Variants in OSGIN1 observed in about 807,000 individuals in gnomAD.
The protein encoded by OSGIN1 is oxidative stress induced growth inhibitor 1, also known as oxidative stress-induced growth inhibitor 1.
In OSGIN1, 19 loss-of-function variants were observed where a neutral mutation model predicts 20.1. That is an observed-to-expected ratio of 0.95 (90% confidence interval 0.66 to 1.39). OSGIN1 has a LOEUF of 1.39. OSGIN1 is among the 40% of genes most tolerant of loss of function. OSGIN1 has a pLI of 0.00. For synonymous variants in OSGIN1, 368 were observed against 297.8 expected (o/e 1.24, Z -2.43); for missense variants, 820 against 653.0 (o/e 1.26, Z -2.79).
chr16:83,960,947 A>G (rs376101748), intron 4 of OSGIN1, 34 bp from the exon 5 acceptor site: 1 of 1,596,728 alleles, frequency 6.3e-7, no homozygotes, highest in Non-Finnish European at 8.6e-7. Flanking sequence ...TCAGGCGAGC[A>G]GAGGCCTGGA....
chr16:83,954,654 C>G (rs986620429), intron 1 of OSGIN1: 12 of 578,056 alleles, frequency 2.1e-5, no homozygotes, highest in South Asian at 7.2e-5. Context: ...GGTCCAGCCC[C>G]TGGGTGGTGA....
rs7203516 is a variant in OSGIN1 at position 83,953,280 on chromosome 16, C to A, written c.-123C>A. On this transcript the variant is annotated 5_prime_UTR_variant, in exon 1 of 6. Coordinates refer to ENST00000393306, the MANE Select transcript of OSGIN1 (RefSeq NM_182981.3). ...CCCACAGGGTAATGGGTGTCCCGAT[C>A]TCGCGGGGGACTCTGTGATCCGTGT... 1 of 1,287,620 alleles carries A rather than the reference C, an allele frequency of 7.8e-7. No individual in the cohort carries two copies. The allele number at this position is 1,287,620 out of a possible 1,614,324, so 79.8% of individuals were successfully genotyped here.
intron 5 of OSGIN1, among the ~76,000 whole-genome samples, chr16:83,963,720 G>A (rs769283561): frequency 1.6e-4 from 24 of 152,188 alleles, no homozygotes; most frequent in Non-Finnish European, 1.5e-4. Context: ...GTAGCCGGAC[G>A]GCAGGTGGCA....
intron 5 of OSGIN1, among the ~76,000 whole-genome samples, 185 bp from the exon 6 acceptor site, chr16:83,964,877 C>T (rs1248632797): frequency 1.3e-5 from 2 of 152,170 alleles, no homozygotes; most frequent in African/African-American, 2.4e-5. Flanking sequence ...GGGAGGCACC[C>T]TTGTTAGCTC....
rs7203516 is a variant in OSGIN1, at chr16:83,953,280, C to G, written c.-123C>G. On this transcript the variant is annotated 5_prime_UTR_variant, in exon 1 of 6. The change creates a new upstream start codon in the 5' untranslated region. Coordinates refer to ENST00000393306, the MANE Select transcript of OSGIN1 (RefSeq NM_182981.3). The stretch of plus-strand genomic sequence containing the variant: ...CCCACAGGGTAATGGGTGTCCCGAT[C>G]TCGCGGGGGACTCTGTGATCCGTGT... 0.64 allele frequency: 825,089 copies of G among 1,287,022 alleles called. 266,889 individuals carry two copies. The highest frequency in any genetic ancestry group is 0.79 in the East Asian group (14,152 of 17,952). The allele number at this position is 1,287,022 out of a possible 1,614,324, so 79.7% of individuals were successfully genotyped here.
Position 83,965,728 on chromosome 16 carries a change from G to A in OSGIN1, c.1155G>A (p.Lys385=). 1.9e-6 allele frequency: 3 copies of A among 1,613,678 alleles called. No homozygotes were observed. Among genetic ancestry groups the A allele is most frequent in the African/African-American group, 2.7e-5 (2 of 75,062 alleles). The change falls in exon 6 of 6, where the codon AAG becomes AAA. Residue 385 remains lysine, a synonymous_variant. Transcript: ENST00000393306. ...TCCAGGACCTCGAGGGTGTCGAGAA[G>A]GTGTTTGGGGTCTCCCTGGTGCTGG... The part of the protein sequence containing the change: ...AVFQDLEGVE[K]VFGVSLVLVL...
At position 83,965,396 on chromosome 16, in the gene OSGIN1, G is replaced by T. The variant is rs776224973; in HGVS notation, c.823G>T (p.Ala275Ser). The T allele has an allele frequency of 8.3e-6, 13 of 1,574,200 alleles. No homozygotes were observed. The highest frequency in any genetic ancestry group is 1.1e-5 in the Non-Finnish European group (13 of 1,163,152). The change falls in exon 6 of 6, where the codon GCC (alanine) becomes TCC (serine). Residue 275 changes from alanine (A) to serine (S), a missense_variant. Physicochemically the swap from Ala to Ser is moderately conservative, Grantham distance 99. Transcript: ENST00000393306. ...IHHELSALEA[A>S]TRVGAVTPAS... is the part of the protein sequence containing the mutation. ...CCATGAGCTGTCTGCCCTGGAGGCC[G>T]CCACAAGGGTGGGTGCGGTGACCCC...
chr16:83,959,676 G>A (rs938453014), intron 3 of OSGIN1, among the ~76,000 whole-genome samples: 1 of 152,248 alleles, frequency 6.6e-6, no homozygotes, highest in Non-Finnish European at 1.5e-5. Context: ...AGACAATTTG[G>A]GTTGTCATGG....
intron 3 of OSGIN1, 50 bp from the exon 4 acceptor site, chr16:83,960,519 G>T: frequency 6.7e-7 from 1 of 1,496,868 alleles, no homozygotes; most frequent in Non-Finnish European, 9.2e-7. Context: ...GCTCTGGGAA[G>T]ACGACCCCGC....
At chr16:83,962,701 C>T (rs145853361) in intron 5 of OSGIN1, among the ~76,000 whole-genome samples, 2 of 152,308 alleles carry the variant, frequency 1.3e-5, no homozygotes, top group African/African-American at 4.8e-5. Context: ...ACATTGGTTC[C>T]GTCCAGAGGC....
intron 2 of OSGIN1, 65 bp from the exon 3 acceptor site, chr16:83,959,195 C>T: frequency 8.8e-7 from 1 of 1,131,136 alleles, no homozygotes; most frequent in Middle Eastern, 2.0e-4. Flanking sequence ...TAGATCAAAG[C>T]CCTCCACAGT....
At chr16:83,963,686 G>T (rs548404432) in intron 5 of OSGIN1, among the ~76,000 whole-genome samples, 3 of 152,250 alleles carry the variant, frequency 2.0e-5, no homozygotes, top group South Asian at 4.2e-4. Flanking sequence ...GGCCTTGGGG[G>T]TCCATTGTCA....
chr16:83,957,909 C>A (rs983531173), intron 2 of OSGIN1, among the ~76,000 whole-genome samples, 171 bp downstream of exon 2: 2 of 150,588 alleles, frequency 1.3e-5, no homozygotes, highest in African/African-American at 5.0e-5. Flanking sequence ...CAAAGTCTCA[C>A]TCTGTCGCCC....
intron 1 of OSGIN1, among the ~76,000 whole-genome samples, chr16:83,955,382 C>A (rs1253196811): frequency 6.6e-6 from 1 of 152,120 alleles, no homozygotes; most frequent in Non-Finnish European, 1.5e-5. Flanking sequence ...AGTGGGGGAC[C>A]CTGGAACGGA....
intron 5 of OSGIN1, among the ~76,000 whole-genome samples, chr16:83,962,230 TTTTG>T (rs1447927603): frequency 1.3e-5 from 2 of 151,930 alleles, no homozygotes; most frequent in Admixed American, 6.6e-5. Flanking sequence ...ATTTAGGAAG[TTTTG>T]TTTGTTTATT....
chr16:83,957,828 C>G (rs759271533), intron 2 of OSGIN1, 90 bp downstream of exon 2: 32 of 479,232 alleles, frequency 6.7e-5, no homozygotes, highest in Non-Finnish European at 1.1e-4. Context: ...AAGTCCAGGC[C>G]TGGTGTCTTT....
intron 3 of OSGIN1, among the ~76,000 whole-genome samples, chr16:83,959,748 C>T (rs1005533473): frequency 1.3e-5 from 2 of 152,190 alleles, no homozygotes; most frequent in African/African-American, 2.4e-5. Flanking sequence ...AAACATCCAG[C>T]ACTGCACAGG....
chr16:83,955,823 T>C (rs542463047), intron 1 of OSGIN1, among the ~76,000 whole-genome samples: 1 of 152,264 alleles, frequency 6.6e-6, no homozygotes, highest in South Asian at 2.1e-4. Context: ...GACTGCAGCG[T>C]GTCACCTTCC....
Position 83,957,573 on chromosome 16 carries a change from G to A in OSGIN1, c.-32-67G>A, listed in dbSNP as rs1908991587. On this transcript the variant is annotated intron_variant, in intron 1 of 5. Coordinates refer to ENST00000393306, the MANE Select transcript of OSGIN1 (RefSeq NM_182981.3). The stretch of plus-strand genomic sequence containing the variant: ...CAGGAGGCCACCCTAGCTGGGAGGT[G>A]AAGTGGCTGTGTGGACACCCAGGCC... The A allele has an allele frequency of 2.4e-6, 2 of 820,600 alleles. 1 individual carries two copies. 50.8% of individuals were successfully genotyped at this position (820,600 alleles called of 1,614,324 possible). A position where few individuals can be genotyped will look rare whatever the true frequency, so the allele number is the denominator to read the frequency against.
Sources: gnomAD v4.1 joint callset for allele counts (sites outside exome capture counted in the v4.1 genomes callset) on GRCh38, gnomAD v4.1.1 for gene constraint, MANE v1.5 for transcripts, NCBI Gene and HGNC (gene_info 2026-07-23, HGNC 2026-07-21) for gene names.